The following MRTFB variants were observed in gnomAD, a reference collection of about 807,000 sequenced individuals.
MRTFB encodes myocardin-related transcription factor B.
Under a neutral mutation model 104.2 loss-of-function variants are expected in MRTFB, and 29 were observed. The observed-to-expected ratio is 0.28, with a 90% CI of 0.21 to 0.38. The LOEUF is 0.38. Among genes scored for constraint, MRTFB ranks in the 10% least tolerant of loss-of-function variants. MRTFB has a pLI of 1.00. For missense variants in MRTFB, 1,270 were observed against 1,341.6 expected (o/e 0.95, Z 0.83); for synonymous variants, 535 against 519.5 (o/e 1.03, Z -0.41).
the MRTFB span, among the ~76,000 whole-genome samples, chr16:14,012,701 G>C: frequency 1.3e-5 from 2 of 152,082 alleles, no homozygotes; most frequent in Admixed American, 1.3e-4. Context: ...AGCTCAGGGG[G>C]TTAAGCAATG....
At chr16:14,120,421 C>G (rs756062205) in intron 2 of MRTFB, among the ~76,000 whole-genome samples, 5 of 152,034 alleles carry the variant, frequency 3.3e-5, no homozygotes, top group Non-Finnish European at 7.4e-5. Flanking sequence ...AAAGTTTGTT[C>G]TGTTTTTTTT....
the MRTFB span, among the ~76,000 whole-genome samples, chr16:14,014,539 T>C: frequency 6.7e-6 from 1 of 149,458 alleles, no homozygotes; most frequent in Non-Finnish European, 1.5e-5. Flanking sequence ...ATGGGCAACA[T>C]GGTGAGACTC....
the MRTFB span, among the ~76,000 whole-genome samples, chr16:14,061,301 T>TA: frequency 9.2e-5 from 14 of 152,280 alleles, no homozygotes; most frequent in Non-Finnish European, 1.5e-4. Flanking sequence ...AAGAGATACT[T>TA]ACTCTCTCCA....
chr16:14,003,640 G>GCCTGCCTGCCTGCCTGCCTGCCTC, the MRTFB span, among the ~76,000 whole-genome samples: 5,715 of 145,762 alleles, frequency 0.039, 114 homozygotes, highest in Non-Finnish European at 0.05. Flanking sequence ...CTGCCTGCCT[G>GCCTGCCTGCCTGCCTGCCTGCCTC]CCTCCCTCCC....
chr16:14,083,580 T>TA (rs2034529934), intron 2 of MRTFB, among the ~76,000 whole-genome samples: 1 of 152,214 alleles, frequency 6.6e-6, no homozygotes, highest in Non-Finnish European at 1.5e-5. Flanking sequence ...GTCCTATGCT[T>TA]ACTTCCCTCT....
Position 14,258,127 on chromosome 16 carries a change from G to GGATGACCTCTTT in MRTFB, c.2734_2745dup (p.Asp912_Asp915dup). On this transcript the variant is annotated inframe_insertion, in exon 16 of 17. Coordinates refer to ENST00000571589, the MANE Select transcript of MRTFB (RefSeq NM_001308142.2). ...TTTCCAACGCTCACAGTCAGCAGAT[G>GGATGACCTCTTT]GATGACCTCTTTGATATCCTCATTA... The GGATGACCTCTTT allele has an allele frequency of 6.2e-7, 1 of 1,613,948 alleles. No homozygotes were observed. The highest frequency in any genetic ancestry group is 1.3e-5 in the African/African-American group (1 of 75,020).
intron 11 of MRTFB, among the ~76,000 whole-genome samples, chr16:14,245,963 A>G (rs1025416977): frequency 2.0e-5 from 3 of 152,156 alleles, no homozygotes; most frequent in African/African-American, 7.2e-5. Context: ...GGAAAATGTA[A>G]CAGTTAAGAA....
chr16:14,240,092 C>G (rs192830529), intron 9 of MRTFB, 145 bp from the exon 10 acceptor site: 18 of 996,762 alleles, frequency 1.8e-5, no homozygotes, highest in Non-Finnish European at 2.4e-5. Context: ...GCTTTTGAAA[C>G]GAATTTAGCA....
At chr16:14,166,726 G>T (rs1195576942) in intron 3 of MRTFB, among the ~76,000 whole-genome samples, 2 of 142,834 alleles carry the variant, frequency 1.4e-5, no homozygotes, top group African/African-American at 5.2e-5. Flanking sequence ...TATTGTCATT[G>T]TTCAGCTCCC....
chr16:14,015,834 G>A, the MRTFB span: 1 of 398,410 alleles, frequency 2.5e-6, no homozygotes, highest in Non-Finnish European at 4.4e-6. Flanking sequence ...CAAAATCAGT[G>A]GGCTTTCCCA....
chr16:14,107,129 G>A (rs917029271), intron 2 of MRTFB, among the ~76,000 whole-genome samples: 5 of 152,200 alleles, frequency 3.3e-5, no homozygotes, highest in East Asian at 1.9e-4. Flanking sequence ...TCAGCTACTC[G>A]TGCGGCTGAA....
intron 3 of MRTFB, among the ~76,000 whole-genome samples, chr16:14,164,455 G>A (rs28510817): frequency 0.026 from 3,961 of 152,016 alleles, 181 homozygotes; most frequent in African/African-American, 0.09. Flanking sequence ...ATGTGTGTGC[G>A]GGGGTGGGGG....
chr16:14,080,060 C>T (rs1221669707), intron 2 of MRTFB, among the ~76,000 whole-genome samples: 1 of 152,156 alleles, frequency 6.6e-6, no homozygotes, highest in Non-Finnish European at 1.5e-5. Flanking sequence ...TTTAGAGGCA[C>T]CATACTTTAT....
chr16:14,157,652 G>T (rs2038876206), intron 3 of MRTFB, among the ~76,000 whole-genome samples: 1 of 152,202 alleles, frequency 6.6e-6, no homozygotes, highest in African/African-American at 2.4e-5. Flanking sequence ...ACTGGCCACA[G>T]AGATGGAGAA....
At chr16:14,080,866 G>C (rs148552722) in intron 2 of MRTFB, among the ~76,000 whole-genome samples, 199 of 152,274 alleles carry the variant, frequency 1.3e-3, no homozygotes, top group African/African-American at 4.4e-3. Flanking sequence ...ATAGTACTCC[G>C]TTGTGTATAT....
the MRTFB span, among the ~76,000 whole-genome samples, chr16:13,996,093 GA>G: frequency 6.6e-6 from 1 of 152,128 alleles, no homozygotes; most frequent in East Asian, 1.9e-4. Flanking sequence ...CCAACATGGT[GA>G]AACCCCATCT....
At chr16:14,132,916 A>C (rs988283120) in intron 2 of MRTFB, among the ~76,000 whole-genome samples, 1 of 152,174 alleles carries the variant, frequency 6.6e-6, no homozygotes, top group Non-Finnish European at 1.5e-5. Context: ...TTGTTCCTAA[A>C]TCTGTTTATG....
At chr16:14,014,721 A>G in the MRTFB span, among the ~76,000 whole-genome samples, 4 of 151,916 alleles carry the variant, frequency 2.6e-5, no homozygotes, top group African/African-American at 9.7e-5. Context: ...AAAGAAAATT[A>G]GCCGGGCATG....
At chr16:14,131,788 A>G (rs531834378) in intron 2 of MRTFB, among the ~76,000 whole-genome samples, 98 of 152,082 alleles carry the variant, frequency 6.4e-4, no homozygotes, top group African/African-American at 1.4e-3. Flanking sequence ...TAAAAAAAAA[A>G]AGAGAGAATG....
Sources: gnomAD v4.1 joint callset for allele counts (sites outside exome capture counted in the v4.1 genomes callset) on GRCh38, gnomAD v4.1.1 for gene constraint, MANE v1.5 for transcripts, NCBI Gene and HGNC (gene_info 2026-07-23, HGNC 2026-07-21) for gene names.